Variants in LUC7L2 observed in about 807,000 individuals in gnomAD.
The protein encoded by LUC7L2 is putative RNA-binding protein Luc7-like 2.
LUC7L2 carries 25 observed loss-of-function variants against 52.8 expected under a neutral mutation model. The observed-to-expected ratio is 0.47, with a 90% CI of 0.34 to 0.66. The LOEUF (loss-of-function observed/expected upper bound fraction) is 0.66, where lower values mean the gene tolerates loss of function less well. Among genes scored for constraint, LUC7L2 ranks in the 30% least tolerant of loss-of-function variants. LUC7L2 has a pLI of 0.01. For synonymous variants in LUC7L2, 144 were observed against 160.9 expected, an observed-to-expected ratio of 0.89 and a Z score of 0.80; for missense variants, 328 against 497.8, an observed-to-expected ratio of 0.66 and a Z score of 3.25.
chr7:139,358,519 G>T (rs974598095), upstream of LUC7L2, among the ~76,000 whole-genome samples: 8 of 151,854 alleles, frequency 5.3e-5, no homozygotes, highest in African/African-American at 1.9e-4. Flanking sequence ...CTTTTTAGGC[G>T]ATGAATATAC....
Position 139,407,001 on chromosome 7 carries a change from G to GT in LUC7L2, c.511-152dup, listed in dbSNP as rs58914782. ...ATAACAAAATAGCCATGCTTTTGTG[G>GT]TTTTTTTTTTTTTTTTTTTTTGAGC... On this transcript the variant is annotated intron_variant, in intron 5 of 9. Transcript: ENST00000354926. Among the ~76,000 whole-genome samples, 536 of 110,434 alleles carry GT rather than the reference G, an allele frequency of 4.9e-3. 8 individuals are homozygous for GT. Among genetic ancestry groups the GT allele is most frequent in the East Asian group, 0.012 (42 of 3,568 alleles). The allele number at this position is 110,434 out of a possible 152,430, so 72.4% of individuals were successfully genotyped here. A position where few individuals can be genotyped will look rare whatever the true frequency, so the allele number is the denominator to read the frequency against.
upstream of LUC7L2, among the ~76,000 whole-genome samples, chr7:139,358,531 G>A (rs1305001466): frequency 6.6e-6 from 1 of 151,472 alleles, no homozygotes. Flanking sequence ...TGAATATACA[G>A]TGTTAATGGA....
intron 2 of LUC7L2, among the ~76,000 whole-genome samples, chr7:139,392,976 A>AAATTTTAAGAC (rs1181756622): frequency 6.6e-6 from 1 of 151,926 alleles, no homozygotes; most frequent in East Asian, 1.9e-4. Flanking sequence ...ATTAAAAAAA[A>AAATTTTAAGAC]AATTTTAAGA....
At chr7:139,405,886 C>T in intron 5 of LUC7L2, 99 bp downstream of exon 5, 4 of 1,383,092 alleles carry the variant, frequency 2.9e-6, no homozygotes, top group Non-Finnish European at 3.8e-6. Context: ...TCTCTAAGAA[C>T]ATGTATTTGA....
At chr7:139,377,497 G>A (rs1428675868) in intron 2 of LUC7L2, among the ~76,000 whole-genome samples, 3 of 152,142 alleles carry the variant, frequency 2.0e-5, no homozygotes, top group African/African-American at 7.2e-5. Context: ...GGGTTCAAGC[G>A]ATTCTCCTGC....
At chr7:139,412,682 G>C in intron 8 of LUC7L2, 102 bp downstream of exon 8, 1 of 1,395,552 alleles carries the variant, frequency 7.2e-7, no homozygotes, top group Non-Finnish European at 9.7e-7. Context: ...TTCTTTTTTG[G>C]CTGGGCACGG....
intron 2 of LUC7L2, among the ~76,000 whole-genome samples, chr7:139,385,399 G>T (rs767034972): frequency 6.7e-6 from 1 of 148,778 alleles, no homozygotes; most frequent in Non-Finnish European, 1.5e-5. Context: ...CGTAGCCAGT[G>T]CAGTCTTGAA....
At chr7:139,375,320 A>G in intron 1 of LUC7L2, 1 of 985,428 alleles carries the variant, frequency 1.0e-6, no homozygotes, top group South Asian at 4.7e-5. Flanking sequence ...GAATGAATTT[A>G]AATATACCCA....
At position 139,360,171 on chromosome 7, in the gene LUC7L2, G is replaced by A. The variant is rs1799788689; in HGVS notation, c.-91G>A. The A allele has an allele frequency of 4.1e-6, 4 of 973,352 alleles. No homozygotes were observed. The highest frequency in any genetic ancestry group is 6.1e-6 in the Non-Finnish European group (4 of 659,698). 60.3% of individuals were successfully genotyped at this position (973,352 alleles called of 1,614,324 possible). On this transcript the variant is annotated 5_prime_UTR_variant, in exon 1 of 10. Transcript: ENST00000354926. ...CGGCGGCGGCCACCGAGACAGCAGC[G>A]CACCTTCCCCCATCCCTTCCCCTTA...
At chr7:139,345,926 A>G in intron 1 of LUC7L2, 1 of 424,650 alleles carries the variant, frequency 2.4e-6, no homozygotes, top group Non-Finnish European at 3.9e-6. Flanking sequence ...AAATTTTTTT[A>G]TATTTTATTT....
At position 139,363,842 on chromosome 7, in the gene LUC7L2, T is replaced by C. The variant is rs192887783; in HGVS notation, c.61+3520T>C. Among the ~76,000 whole-genome samples the C allele has an allele frequency of 2.0e-3, 298 of 152,294 alleles. 1 individual carries two copies. Among genetic ancestry groups the C allele is most frequent in the Admixed American group, 3.7e-3 (57 of 15,298 alleles). On this transcript the variant is annotated intron_variant, in intron 1 of 9. Coordinates refer to ENST00000354926, the MANE Select transcript of LUC7L2 (RefSeq NM_016019.5). ...TGCTCAGTTGGATTAATTGCAAGGA[T>C]GTTCCTTAGCTAAAGCCCCTTTGCC...
Position 139,360,338 on chromosome 7 carries a change from G to A in LUC7L2, c.61+16G>A. On this transcript the variant is annotated intron_variant, in intron 1 of 9. Transcript: ENST00000354926. ...TCCCGGGACGGTAAGTCTCTGCCAG[G>A]GCCCTGGGGGTGGGGGAGGGGACGG... 6.4e-7 allele frequency: 1 copy of A among 1,555,552 alleles called. No individual in the cohort carries two copies. The highest frequency in any genetic ancestry group is 8.7e-7 in the Non-Finnish European group (1 of 1,150,708).
chr7:139,392,826 A>AT (rs1461968413), intron 2 of LUC7L2, among the ~76,000 whole-genome samples: 3 of 151,902 alleles, frequency 2.0e-5, no homozygotes, highest in African/African-American at 4.8e-5. Context: ...CTAATTTTGT[A>AT]TTTTTTTAGT....
At chr7:139,351,785 A>G (rs1392405965) in intron 1 of LUC7L2, among the ~76,000 whole-genome samples, 2 of 152,188 alleles carry the variant, frequency 1.3e-5, no homozygotes, top group East Asian at 1.9e-4. Context: ...CTCCCCTTCA[A>G]TAGCTCTTTC....
At chr7:139,360,474 A>T (rs1207275836) in intron 1 of LUC7L2, 152 bp downstream of exon 1, 1 of 655,196 alleles carries the variant, frequency 1.5e-6, no homozygotes. Context: ...CCATCCAATC[A>T]GGGCTCGGCA....
chr7:139,422,413 C>T lies in LUC7L2; in HGVS notation c.*73C>T, dbSNP rs1476593464. ...TACTATTGTTTAGTTCACAGCTGTT[C>T]AGGGTGACAGTGAGCAGATCCAGAC... On this transcript the variant is annotated 3_prime_UTR_variant, in exon 10 of 10. Transcript: ENST00000354926. 2 of 1,521,184 alleles carry T rather than the reference C, an allele frequency of 1.3e-6. No individual in the cohort carries two copies. Among genetic ancestry groups the T allele is most frequent in the African/African-American group, 1.4e-5 (1 of 72,140 alleles). The allele number at this position is 1,521,184 out of a possible 1,614,324, so 94.2% of individuals were successfully genotyped here.
chr7:139,409,196 C>A (rs1422286989), intron 6 of LUC7L2, among the ~76,000 whole-genome samples: 2 of 151,434 alleles, frequency 1.3e-5, no homozygotes, highest in Non-Finnish European at 2.9e-5. Flanking sequence ...AATTCCAACA[C>A]TTTGGGAGGC....
In LUC7L2 at chr7:139,393,997, G is replaced by A. The variant is rs193205430; in HGVS notation, c.157-4602G>A. The stretch of plus-strand genomic sequence containing the variant: ...CACCAAAATCTACTATGATGAGTCA[G>A]GCTAGGCTATAAACTTGCAAGGACT... On this transcript the variant is annotated intron_variant, in intron 2 of 9. Transcript: ENST00000354926. Among the ~76,000 whole-genome samples, 15 of 152,266 alleles carry A rather than the reference G, an allele frequency of 9.9e-5. No individual in the cohort carries two copies. In the East Asian group the frequency reaches 2.1e-3, roughly 22 times the overall value.
rs1127422 is a variant in LUC7L2 at position 139,422,817 on chromosome 7, C to T, written c.*477C>T. Reference sequence around the variant, plus strand: ...AGCTTCCATTCTAAGGCTGTATTCCCGTTATGAATTACTAGCTGATTACAG... The same window carrying T: ...AGCTTCCATTCTAAGGCTGTATTCCTGTTATGAATTACTAGCTGATTACAG... On this transcript the variant is annotated 3_prime_UTR_variant, in exon 10 of 10. Coordinates refer to ENST00000354926, the MANE Select transcript of LUC7L2 (RefSeq NM_016019.5). 0.059 allele frequency: 23,343 copies of T among 399,018 alleles called. 3,054 individuals are homozygous for T. The highest frequency in any genetic ancestry group is 0.35 in the African/African-American group (16,843 of 48,572). The allele number at this position is 399,018 out of a possible 1,614,324, so 24.7% of individuals were successfully genotyped here. A position where few individuals can be genotyped will look rare whatever the true frequency, so the allele number is the denominator to read the frequency against.
Sources: gnomAD v4.1 joint callset for allele counts (sites outside exome capture counted in the v4.1 genomes callset) on GRCh38, gnomAD v4.1.1 for gene constraint, MANE v1.5 for transcripts, NCBI Gene and HGNC (gene_info 2026-07-23, HGNC 2026-07-21) for gene names.